ARSJ: variants seen among roughly 807,000 people sequenced by gnomAD.
ARSJ encodes arylsulfatase J.
A neutral mutation model predicts 35.9 loss-of-function variants in ARSJ; 26 were observed. The ratio of observed to expected loss-of-function variants is 0.72; its 90% CI spans 0.53 to 1.00. The LOEUF is 1.00. Among genes scored for constraint, ARSJ ranks in the 50% least tolerant of loss-of-function variants. The pLI is 0.00. For missense variants in ARSJ, 667 were observed against 723.6 expected (o/e 0.92, Z 0.90); for synonymous variants, 294 against 267.6 (o/e 1.10, Z -0.96).
chr4:113,951,522 C>T (rs548497475), intron 1 of ARSJ, among the ~76,000 whole-genome samples: 23 of 152,046 alleles, frequency 1.5e-4, no homozygotes, highest in Admixed American at 5.2e-4. Context: ...AAGACTCACA[C>T]GAGCTTATTT....
Position 113,902,712 on chromosome 4 carries a change from C to T in ARSJ, c.1362G>A (p.Trp454Ter). 1 of 1,614,228 alleles carries T rather than the reference C, an allele frequency of 6.2e-7. No homozygotes were observed. The highest frequency in any genetic ancestry group is 8.5e-7 in the Non-Finnish European group (1 of 1,180,044). The change falls in exon 2 of 2, where the codon TGG becomes TGA. Residue 454 changes from tryptophan to a stop codon, truncating the protein, a stop_gained. Coordinates refer to ENST00000315366, the MANE Select transcript of ARSJ (RefSeq NM_024590.4). LOFTEE classifies it high-confidence loss of function. ...AIQSAIRVQH[W>*]KLLTGNPGYS... is the part of the protein sequence containing the mutation. ...AGCCAGGATTTCCTGTAAGCAATTT[C>T]CAGTGCTGCACTCTGATGGCTGACT...
rs188658834 is a variant in ARSJ, at chr4:113,920,593, T to C, written c.399-16918A>G. ...TTTTTAGCCACTAAAAGCTGAAATA[T>C]AGACTAAATTCTCCTAAAATGAAAC... On this transcript the variant is annotated intron_variant, in intron 1 of 1. Transcript: ENST00000315366. Among the ~76,000 whole-genome samples the C allele has an allele frequency of 4.5e-3, 684 of 152,248 alleles. 7 individuals are homozygous for C. The highest frequency in any genetic ancestry group is 4.9e-3 in the Non-Finnish European group (336 of 67,990).
chr4:113,931,668 C>T (rs764696585), intron 1 of ARSJ, among the ~76,000 whole-genome samples: 35 of 152,120 alleles, frequency 2.3e-4, no homozygotes, highest in Admixed American at 3.9e-4. Context: ...TACGTGCAGG[C>T]AGGACCTCAT....
At position 113,948,056 on chromosome 4, in the gene ARSJ, G is replaced by A. The variant is rs376728591; in HGVS notation, c.398+30381C>T. ...ATACAAAAATTAGCAGAGTGTGGTG[G>A]TGCACACATGTAGTTCCAGCTACTT... is the stretch of plus-strand genomic sequence containing the variant. On this transcript the variant is annotated intron_variant, in intron 1 of 1. Transcript: ENST00000315366. 1.8e-4 allele frequency among the ~76,000 whole-genome samples: 28 copies of A among 152,128 alleles called. No homozygotes were observed. In the East Asian group the frequency reaches 3.5e-3, roughly 19 times the overall value.
intron 1 of ARSJ, among the ~76,000 whole-genome samples, chr4:113,918,113 C>T (rs577955687): frequency 2.3e-4 from 35 of 152,260 alleles, no homozygotes; most frequent in African/African-American, 7.5e-4. Flanking sequence ...TTTTGGTCAA[C>T]TCTTGATGCA....
chr4:113,906,633 G>GT (rs1398792429), intron 1 of ARSJ: 71 of 427,578 alleles, frequency 1.7e-4, no homozygotes, highest in Admixed American at 5.0e-4. Context: ...TGGGGTGTGG[G>GT]TTAAGGGTGT....
intron 1 of ARSJ, chr4:113,946,381 T>C (rs1725483844): frequency 6.6e-6 from 1 of 151,910 alleles, no homozygotes; most frequent in South Asian, 2.1e-4. Context: ...CCTTTGCACA[T>C]CAAACGGCAT....
intron 1 of ARSJ, among the ~76,000 whole-genome samples, chr4:113,947,140 T>C: frequency 6.6e-6 from 1 of 152,096 alleles, no homozygotes; most frequent in East Asian, 1.9e-4. Context: ...ACATATATAG[T>C]CAAATATTTT....
intron 1 of ARSJ, among the ~76,000 whole-genome samples, chr4:113,905,000 C>G (rs1039931372): frequency 6.6e-6 from 1 of 152,156 alleles, no homozygotes. Context: ...TCTAAGAAAG[C>G]ATAACACTTT....
Position 113,902,086 on chromosome 4 carries a change from C to T in ARSJ, c.*188G>A. 1 of 1,561,718 alleles carries T rather than the reference C, an allele frequency of 6.4e-7. No homozygotes were observed. The highest frequency in any genetic ancestry group is 8.6e-7 in the Non-Finnish European group (1 of 1,158,518). On this transcript the variant is annotated 3_prime_UTR_variant, in exon 2 of 2. Transcript: ENST00000315366. Reference sequence around the variant, plus strand: ...CTAAGTGTGGCTTGCAAGAGTAGCACCTTGGCACTGAGCAGGACAGTTTTC... The same window carrying T: ...CTAAGTGTGGCTTGCAAGAGTAGCATCTTGGCACTGAGCAGGACAGTTTTC...
rs1368672060 is a variant in ARSJ at position 113,902,309 on chromosome 4, C to T, written c.1765G>A (p.Gly589Ser). ...GTAACACCTGAATGGCAAGTTGAAC[C>T]TGAGACTGCTTTCTGCTGTTTCTTC... The part of the protein sequence containing the change: ...KKKKQQKAVS[G>S]STCHSGVTCG Residue 589 changes from glycine (G) to serine (S), a missense_variant, in exon 2 of 2, where the codon GGT (glycine) becomes AGT (serine). By Grantham distance (56) the Gly-to-Ser change is moderately conservative. Coordinates refer to ENST00000315366, the MANE Select transcript of ARSJ (RefSeq NM_024590.4). The T allele has an allele frequency of 6.2e-7, 1 of 1,612,598 alleles. No individual in the cohort carries two copies. Among genetic ancestry groups the T allele is most frequent in the Non-Finnish European group, 8.5e-7 (1 of 1,180,002 alleles).
chr4:113,960,373 C>T (rs1489659246), intron 1 of ARSJ, among the ~76,000 whole-genome samples: 2 of 152,022 alleles, frequency 1.3e-5, no homozygotes, highest in African/African-American at 4.8e-5. Flanking sequence ...TCTGAAAAAG[C>T]TTCTCTACTT....
At chr4:113,935,353 T>C (rs888169127) in intron 1 of ARSJ, among the ~76,000 whole-genome samples, 1 of 151,864 alleles carries the variant, frequency 6.6e-6, no homozygotes, top group Non-Finnish European at 1.5e-5. Flanking sequence ...ATAGTAAACA[T>C]TTATTGAGCA....
chr4:113,912,467 A>T (rs1471114553), intron 1 of ARSJ, among the ~76,000 whole-genome samples: 1 of 152,132 alleles, frequency 6.6e-6, no homozygotes, highest in African/African-American at 2.4e-5. Context: ...AAACGTATAG[A>T]TGGTAAGCAT....
chr4:113,919,948 G>GC (rs78201846), intron 1 of ARSJ, among the ~76,000 whole-genome samples: 89,995 of 148,550 alleles, frequency 0.61, 27,763 homozygotes, highest in Middle Eastern at 0.73. Flanking sequence ...TTTTATTAAA[G>GC]ATTTTTTTTT....
At position 113,943,006 on chromosome 4, in the gene ARSJ, C is replaced by T. The variant is rs184886371; in HGVS notation, c.398+35431G>A. 1.2e-4 allele frequency among the ~76,000 whole-genome samples: 18 copies of T among 152,102 alleles called. No homozygotes were observed. In the East Asian group the frequency reaches 3.1e-3, roughly 26 times the overall value. ...ATTCATAAAGGTAGATTTTGAATCT[C>T]TTTGGTGGATCCCAATACATCTCAA... On this transcript the variant is annotated intron_variant, in intron 1 of 1. Coordinates refer to ENST00000315366, the MANE Select transcript of ARSJ (RefSeq NM_024590.4).
chr4:113,923,825 A>T (rs2149260068), intron 1 of ARSJ, among the ~76,000 whole-genome samples: 1 of 151,626 alleles, frequency 6.6e-6, no homozygotes, highest in African/African-American at 2.4e-5. Context: ...ACAAAAATAA[A>T]ATTATCCTAT....
At chr4:113,918,926 G>T (rs183928378) in intron 1 of ARSJ, among the ~76,000 whole-genome samples, 79 of 152,068 alleles carry the variant, frequency 5.2e-4, no homozygotes, top group African/African-American at 1.8e-3. Context: ...CTGAGTAGCT[G>T]ATACTAAGCG....
Position 113,978,950 on chromosome 4 carries a change from C to T in ARSJ, c.-116G>A. 1 of 1,095,316 alleles carries T rather than the reference C, an allele frequency of 9.1e-7. No individual in the cohort carries two copies. Among genetic ancestry groups the T allele is most frequent in the Non-Finnish European group, 1.3e-6 (1 of 768,806 alleles). The allele number at this position is 1,095,316 out of a possible 1,614,324, so 67.8% of individuals were successfully genotyped here. On this transcript the variant is annotated 5_prime_UTR_variant, in exon 1 of 2. Coordinates refer to ENST00000315366, the MANE Select transcript of ARSJ (RefSeq NM_024590.4). ...TCTCCACCTGGCAAGAAATCCTCCT[C>T]TCCTCTCAGCTGTCACCATGTCCGA...
Sources: allele counts gnomAD v4.1 joint callset (sites outside exome capture counted in the v4.1 genomes callset), GRCh38; gene constraint gnomAD v4.1.1; transcripts MANE v1.5; gene names NCBI Gene and HGNC (gene_info 2026-07-23, HGNC 2026-07-21).